Variants in GALNT13 observed in about 807,000 individuals in gnomAD.
GALNT13 encodes polypeptide N-acetylgalactosaminyltransferase 13.
In GALNT13, 28 loss-of-function variants were observed where a neutral mutation model predicts 64.2. That is an observed-to-expected ratio of 0.44 (90% CI 0.32 to 0.60). The LOEUF (loss-of-function observed/expected upper bound fraction) is 0.60. Among genes scored for constraint, GALNT13 ranks in the 20% least tolerant of loss-of-function variants. The pLI, the probability that GALNT13 is intolerant of heterozygous loss-of-function variation, is 0.05. For synonymous variants in GALNT13, 214 were observed against 224.6 expected (o/e 0.95, Z 0.42); for missense variants, 577 against 669.8 (o/e 0.86, Z 1.53).
chr2:153,070,522 A>G, the GALNT13 span, among the ~76,000 whole-genome samples: 5 of 152,222 alleles, frequency 3.3e-5, no homozygotes, highest in African/African-American at 1.2e-4. Context: ...TACCACACAA[A>G]TGCAAGATGC....
At chr2:153,479,775 T>C in the GALNT13 span, among the ~76,000 whole-genome samples, 90 of 152,314 alleles carry the variant, frequency 5.9e-4, 1 homozygote, top group East Asian at 0.016. Context: ...ACACAGATGT[T>C]TTTATAGGCC....
the GALNT13 span, among the ~76,000 whole-genome samples, chr2:153,395,633 T>C: frequency 6.6e-6 from 1 of 152,162 alleles, no homozygotes; most frequent in Non-Finnish European, 1.5e-5. Context: ...TGGTTGTAGA[T>C]GAATGTTTCT....
chr2:153,312,768 G>A, the GALNT13 span, among the ~76,000 whole-genome samples: 8 of 152,130 alleles, frequency 5.3e-5, no homozygotes, highest in South Asian at 4.1e-4. Flanking sequence ...GGATCATCGC[G>A]TTGAGGTGGT....
chr2:153,932,424 A>G (rs567120137), intron 2 of GALNT13, among the ~76,000 whole-genome samples: 2 of 151,644 alleles, frequency 1.3e-5, no homozygotes, highest in Non-Finnish European at 2.9e-5. Flanking sequence ...TGTGCTATAG[A>G]CTTTCTTCTT....
the GALNT13 span, among the ~76,000 whole-genome samples, chr2:153,642,932 A>T: frequency 9.5e-4 from 144 of 151,826 alleles, no homozygotes; most frequent in Middle Eastern, 3.9e-3. Context: ...TTTTAAATTA[A>T]GAAACACACA....
At chr2:153,632,772 G>C in the GALNT13 span, among the ~76,000 whole-genome samples, 8 of 151,790 alleles carry the variant, frequency 5.3e-5, no homozygotes, top group Non-Finnish European at 1.2e-4. Context: ...TTATTTTTGA[G>C]ATGGAGTCTC....
At chr2:153,538,630 G>A in the GALNT13 span, among the ~76,000 whole-genome samples, 65 of 59,088 alleles carry the variant, frequency 1.1e-3, 2 homozygotes, top group Middle Eastern at 0.019. Flanking sequence ...CTATGAGTGA[G>A]AATATGCAGT....
the GALNT13 span, among the ~76,000 whole-genome samples, chr2:153,138,535 A>G: frequency 6.6e-6 from 1 of 152,070 alleles, no homozygotes; most frequent in South Asian, 2.1e-4. Flanking sequence ...GTTTTTATTT[A>G]GAATGAGCTG....
chr2:153,118,393 C>A, the GALNT13 span, among the ~76,000 whole-genome samples: 1 of 152,200 alleles, frequency 6.6e-6, no homozygotes, highest in African/African-American at 2.4e-5. Context: ...CCTACTTTCC[C>A]TCTAACACCA....
At chr2:153,406,510 C>T in the GALNT13 span, among the ~76,000 whole-genome samples, 7 of 151,886 alleles carry the variant, frequency 4.6e-5, no homozygotes, top group African/African-American at 7.3e-5. Flanking sequence ...TGGGTTCAAG[C>T]GATTCTCGTG....
At chr2:153,273,202 A>G in the GALNT13 span, among the ~76,000 whole-genome samples, 1 of 152,188 alleles carries the variant, frequency 6.6e-6, no homozygotes, top group Non-Finnish European at 1.5e-5. Context: ...GGGTGCAGCA[A>G]ACCACCATGT....
the GALNT13 span, among the ~76,000 whole-genome samples, chr2:153,191,010 A>T: frequency 6.6e-6 from 1 of 151,972 alleles, no homozygotes; most frequent in African/African-American, 2.4e-5. Flanking sequence ...AGATTATGTC[A>T]TCCACAAAGA....
the GALNT13 span, among the ~76,000 whole-genome samples, chr2:153,226,125 G>T: frequency 6.6e-6 from 1 of 151,814 alleles, no homozygotes; most frequent in Non-Finnish European, 1.5e-5. Flanking sequence ...GTAGAGATGG[G>T]GTTTCACCAT....
the GALNT13 span, among the ~76,000 whole-genome samples, chr2:153,640,599 T>G: frequency 6.6e-6 from 1 of 152,004 alleles, no homozygotes; most frequent in Non-Finnish European, 1.5e-5. Context: ...GGCAATATAA[T>G]GAGACCTAAT....
At chr2:153,328,988 A>C in the GALNT13 span, among the ~76,000 whole-genome samples, 2 of 152,090 alleles carry the variant, frequency 1.3e-5, no homozygotes, top group Non-Finnish European at 2.9e-5. Context: ...CCGTGGGAAA[A>C]GCGTAGTATC....
In GALNT13 at chr2:154,450,568, G is replaced by A. The variant is rs1213513607; in HGVS notation, c.*17G>A. ...GGCACATGAAGATCATGTCCTCCAAGCCATGAAAGTGTCTACGCTTTTGTT... is the reference window on the plus strand; with the variant it reads ...GGCACATGAAGATCATGTCCTCCAAACCATGAAAGTGTCTACGCTTTTGTT... On this transcript the variant is annotated 3_prime_UTR_variant, in exon 13 of 13. Coordinates refer to ENST00000392825, the MANE Select transcript of GALNT13 (RefSeq NM_052917.4). 4.5e-6 allele frequency: 7 copies of A among 1,571,552 alleles called. No individual in the cohort carries two copies. Among genetic ancestry groups the A allele is most frequent in the Non-Finnish European group, 5.2e-6 (6 of 1,163,002 alleles).
chr2:154,297,757 A>T (rs1002711050), intron 8 of GALNT13, among the ~76,000 whole-genome samples: 9 of 152,176 alleles, frequency 5.9e-5, no homozygotes, highest in Admixed American at 4.6e-4. Context: ...ATGCATACAG[A>T]TGATGAAAGA....
At chr2:153,836,849 A>T in the GALNT13 span, among the ~76,000 whole-genome samples, 1 of 152,082 alleles carries the variant, frequency 6.6e-6, no homozygotes. Flanking sequence ...ATCATTCTTT[A>T]TGGCTGCATA....
the GALNT13 span, among the ~76,000 whole-genome samples, chr2:153,723,933 TCAC>T: frequency 2.7e-5 from 4 of 150,816 alleles, no homozygotes; most frequent in Non-Finnish European, 2.9e-5. Flanking sequence ...ATGACTTTCT[TCAC>T]AGAATTGAAA....
Sources: gnomAD v4.1 joint callset for allele counts (sites outside exome capture counted in the v4.1 genomes callset) on GRCh38, gnomAD v4.1.1 for gene constraint, MANE v1.5 for transcripts, NCBI Gene and HGNC (gene_info 2026-07-23, HGNC 2026-07-21) for gene names.